STAB1: variants seen among roughly 807,000 people sequenced by gnomAD.
STAB1 encodes stabilin-1.
A neutral mutation model predicts 332.4 loss-of-function variants in STAB1; 250 were observed. The ratio of observed to expected loss-of-function variants is 0.75; its 90% CI spans 0.68 to 0.84. STAB1 has a LOEUF of 0.84. Among genes scored for constraint, STAB1 ranks in the 40% least tolerant of loss-of-function variants. The probability of loss-of-function intolerance (pLI) is 0.00; values close to 1 mark genes in which losing one functional copy is unlikely to be tolerated. For synonymous variants in STAB1, 1,475 were observed against 1,390.4 expected (o/e 1.06, Z -1.35); for missense variants, 3,249 against 3,489.7 (o/e 0.93, Z 1.74).
intron 1 of STAB1, among the ~76,000 whole-genome samples, chr3:52,498,860 G>A (rs543313031): frequency 6.6e-6 from 1 of 152,356 alleles, no homozygotes; most frequent in East Asian, 1.9e-4. Context: ...GCGAGCCTCA[G>A]GATGGGGAAC....
intron 41 of STAB1, 53 bp downstream of exon 41, chr3:52,516,821 C>G (rs779154456): frequency 3.1e-6 from 5 of 1,592,150 alleles, no homozygotes; most frequent in Non-Finnish European, 2.6e-6. Context: ...GGTGGCTGTC[C>G]CCACAGAGCC....
At position 52,520,895 on chromosome 3, in the gene STAB1, C is replaced by T. The variant is rs754123034; in HGVS notation, c.5798C>T (p.Pro1933Leu). ...GGATTACGCAGCGTCTGGGTCCACC[C>T]CAGCCTTTGGGGTAGGCCCCAAGGC... is the stretch of plus-strand genomic sequence containing the variant. ...SLGLRSVWVHPSLWGRPQGLG... is the reference protein window; with the variant it reads ...SLGLRSVWVHLSLWGRPQGLG... Residue 1933 changes from proline (P) to leucine (L), a missense_variant, in exon 55 of 69, where the codon CCC (proline) becomes CTC (leucine). Physicochemically the swap from Pro to Leu is moderately conservative, Grantham distance 98. Coordinates refer to ENST00000321725, the MANE Select transcript of STAB1 (RefSeq NM_015136.3). The T allele has an allele frequency of 3.1e-6, 5 of 1,610,558 alleles. No homozygotes were observed. In the East Asian group the frequency reaches 8.9e-5, roughly 29 times the overall value.
rs377618502 is a variant in STAB1 at position 52,521,541 on chromosome 3, A to G, written c.6058+31A>G. The stretch of plus-strand genomic sequence containing the variant: ...CCATCCCTGCCTGCCCCACGGCCCG[A>G]TTCCTTTGGCCCTTGTGGGCCAATC... On this transcript the variant is annotated intron_variant, in intron 56 of 68. Coordinates refer to ENST00000321725, the MANE Select transcript of STAB1 (RefSeq NM_015136.3). The G allele has an allele frequency of 1.9e-6, 3 of 1,613,536 alleles. No homozygotes were observed. The African/African-American group carries it at 4.0e-5, about 22-fold the overall frequency.
At chr3:52,503,276 T>A in intron 7 of STAB1, 68 bp from the exon 8 acceptor site, 1 of 1,542,740 alleles carries the variant, frequency 6.5e-7, no homozygotes, top group Non-Finnish European at 8.8e-7. Flanking sequence ...GCCTTCCTGG[T>A]GAAAGCTGTG....
At position 52,506,703 on chromosome 3, in the gene STAB1, G is replaced by T. The variant is rs1481017487; in HGVS notation, c.1842G>T (p.Leu614=). ...GGTCTCTGCCGCAGGGGCGCATCCT[G>T]CTGGGACCCGAGGGGGTCCCGCTGC... is the stretch of plus-strand genomic sequence containing the variant. ...AVNISEEGRI[L]LGPEGVPLQR... is the part of the protein sequence containing the mutation. Residue 614 remains leucine (L), a synonymous_variant, in exon 18 of 69, where the codon CTG becomes CTT. Coordinates refer to ENST00000321725, the MANE Select transcript of STAB1 (RefSeq NM_015136.3). 6.2e-7 allele frequency: 1 copy of T among 1,610,906 alleles called. No individual in the cohort carries two copies. The highest frequency in any genetic ancestry group is 8.5e-7 in the Non-Finnish European group (1 of 1,179,090).
intron 1 of STAB1, among the ~76,000 whole-genome samples, chr3:52,499,372 C>T (rs1359692927): frequency 5.9e-5 from 9 of 152,268 alleles, no homozygotes; most frequent in African/African-American, 2.2e-4. Context: ...TGTCAGCATC[C>T]TTGTGCCCAT....
chr3:52,524,070 C>A (rs760001042), intron 67 of STAB1, 30 bp from the exon 68 acceptor site: 11 of 1,612,766 alleles, frequency 6.8e-6, no homozygotes, highest in Middle Eastern at 1.6e-4. Flanking sequence ...GCTTGAGGCG[C>A]CTCGCCACTC....
chr3:52,498,679 A>G (rs560893141), intron 1 of STAB1, among the ~76,000 whole-genome samples: 1 of 152,120 alleles, frequency 6.6e-6, no homozygotes, highest in East Asian at 1.9e-4. Context: ...GCTGACCACC[A>G]TTCCTCCAAG....
intron 2 of STAB1, 99 bp downstream of exon 2, chr3:52,501,401 C>T (rs1708432376): frequency 2.6e-6 from 4 of 1,533,542 alleles, no homozygotes; most frequent in East Asian, 2.3e-5. Flanking sequence ...GAGAAGCACT[C>T]ACTTATCCAT....
Position 52,503,818 on chromosome 3 carries a change from C to T in STAB1, c.938C>T (p.Ala313Val). ...RPGLVSINSN[A>V]SAGCFAFCSP... ...GGCCTGGTCAGCATCAACAGCAACG[C>T]TTCTGCGGGCTGCTTCGCCTTCTGC... The change falls in exon 9 of 69, where the codon GCT becomes GTT. Residue 313 changes from alanine (A) to valine (V), a missense_variant. Coordinates refer to ENST00000321725, the MANE Select transcript of STAB1 (RefSeq NM_015136.3). 1 of 1,613,260 alleles carries T rather than the reference C, an allele frequency of 6.2e-7. No individual in the cohort carries two copies. The highest frequency in any genetic ancestry group is 8.5e-7 in the Non-Finnish European group (1 of 1,180,032).
Position 52,503,471 on chromosome 3 carries a change from C to A in STAB1, c.822C>A (p.Asp274Glu), listed in dbSNP as rs1474334870. ...ATGGGATGGTGTGTCTGCCCAAGGA[C>A]CCATGCACTGACAACCTTGGTGGCT... ...HGDGMVCLPKDPCTDNLGGCP... is the reference protein window; with the variant it reads ...HGDGMVCLPKEPCTDNLGGCP... The change falls in exon 8 of 69, where the codon GAC becomes GAA. Residue 274 changes from aspartate (D) to glutamate (E), a missense_variant. By Grantham distance (45) the Asp-to-Glu change is conservative. Coordinates refer to ENST00000321725, the MANE Select transcript of STAB1 (RefSeq NM_015136.3). 1 of 1,613,818 alleles carries A rather than the reference C, an allele frequency of 6.2e-7. No individual in the cohort carries two copies. The highest frequency in any genetic ancestry group is 8.5e-7 in the Non-Finnish European group (1 of 1,180,028).
At chr3:52,517,826 G>A (rs2078925271) in intron 44 of STAB1, 55 bp from the exon 45 acceptor site, 1 of 1,610,382 alleles carries the variant, frequency 6.2e-7, no homozygotes, top group African/African-American at 1.3e-5. Context: ...AGGGCTGAGT[G>A]GGATAGAGAA....
chr3:52,506,323 G>A lies in STAB1; in HGVS notation c.1830+73G>A, dbSNP rs1034662245. On this transcript the variant is annotated intron_variant, in intron 17 of 68. Transcript: ENST00000321725. ...GCTGCCCACTTGGCCTCTCAGCCTT[G>A]TGTGCTCCGAGCCCCGTGGTGGGCA... The A allele has an allele frequency of 6.5e-6, 9 of 1,383,908 alleles. No individual in the cohort carries two copies. In the African/African-American group the frequency reaches 1.3e-4, roughly 20 times the overall value. The allele number at this position is 1,383,908 out of a possible 1,614,324, so 85.7% of individuals were successfully genotyped here. A position where few individuals can be genotyped will look rare whatever the true frequency, so the allele number is the denominator to read the frequency against.
chr3:52,509,608 G>A, intron 22 of STAB1: 1 of 595,098 alleles, frequency 1.7e-6, no homozygotes, highest in Non-Finnish European at 3.0e-6. Context: ...AAGTATGCGG[G>A]ACTTAGGTCA....
Position 52,503,487 on chromosome 3 carries a change from C to A in STAB1, c.838C>A (p.Leu280Ile). 6.2e-7 allele frequency: 1 copy of A among 1,613,764 alleles called. No individual in the cohort carries two copies. The highest frequency in any genetic ancestry group is 8.5e-7 in the Non-Finnish European group (1 of 1,180,024). Residue 280 changes from leucine to isoleucine, a missense_variant, in exon 8 of 69, where the codon CTT becomes ATT. Transcript: ENST00000321725. The part of the protein sequence containing the change: ...CLPKDPCTDN[L>I]GGCPSNSTLC... Reference sequence around the variant, plus strand: ...GCCCAAGGACCCATGCACTGACAACCTTGGTGGCTGCCCCAGCAACTCTAC... The same window carrying A: ...GCCCAAGGACCCATGCACTGACAACATTGGTGGCTGCCCCAGCAACTCTAC...
Position 52,503,445 on chromosome 3 carries a change from G to C in STAB1, c.796G>C (p.Asp266His). ...TCACTGCCCTGAGAACTACCATGGC[G>C]ATGGGATGGTGTGTCTGCCCAAGGA... ...QCHCPENYHG[D>H]GMVCLPKDPC... The change falls in exon 8 of 69, where the codon GAT becomes CAT. Residue 266 changes from aspartate to histidine, a missense_variant. Coordinates refer to ENST00000321725, the MANE Select transcript of STAB1 (RefSeq NM_015136.3). 6.2e-7 allele frequency: 1 copy of C among 1,613,832 alleles called. No homozygotes were observed. The highest frequency in any genetic ancestry group is 8.5e-7 in the Non-Finnish European group (1 of 1,180,038).
chr3:52,511,505 A>G, intron 25 of STAB1, 145 bp from the exon 26 acceptor site: 1 of 624,850 alleles, frequency 1.6e-6, no homozygotes, highest in Admixed American at 3.0e-5. Flanking sequence ...TGGAGCACAG[A>G]TCTCTGAGAG....
Position 52,522,707 on chromosome 3 carries a change from T to C in STAB1, c.6744+19T>C, listed in dbSNP as rs1183846982. ...CCAGCAGGTGTGTGGGGCCCAGAAG[T>C]TGGGGCCAAGTGTTGGGGGAGGCCT... On this transcript the variant is annotated intron_variant, in intron 61 of 68. Transcript: ENST00000321725. 2 of 1,612,836 alleles carry C rather than the reference T, an allele frequency of 1.2e-6. No homozygotes were observed. Among genetic ancestry groups the C allele is most frequent in the Non-Finnish European group, 1.7e-6 (2 of 1,179,968 alleles).
In STAB1 at chr3:52,505,719, G is replaced by T. The variant is rs1473082264; in HGVS notation, c.1633G>T (p.Ala545Ser). ...LDGPGPFTVF[A>S]PSNEAVDSLR... ...CGGACCTGGGCCCTTCACAGTCTTT[G>T]CCCCAAGCAATGAGGCTGTGGACAG... The change falls in exon 15 of 69, where the codon GCC becomes TCC. Residue 545 changes from alanine (A) to serine (S), a missense_variant. By Grantham distance (99) the Ala-to-Ser change is moderately conservative. Transcript: ENST00000321725. 1 of 1,613,876 alleles carries T rather than the reference G, an allele frequency of 6.2e-7. No homozygotes were observed. The highest frequency in any genetic ancestry group is 1.3e-5 in the African/African-American group (1 of 75,058).
Sources: allele counts gnomAD v4.1 joint callset (sites outside exome capture counted in the v4.1 genomes callset), GRCh38; gene constraint gnomAD v4.1.1; transcripts MANE v1.5; gene names NCBI Gene and HGNC (gene_info 2026-07-23, HGNC 2026-07-21).